The following BORA variants were observed in gnomAD, a reference collection of about 807,000 sequenced individuals.
BORA encodes protein aurora borealis.
BORA carries 26 observed loss-of-function variants against 55.8 expected under a neutral mutation model. The observed-to-expected ratio is 0.47, with a 90% confidence interval of 0.34 to 0.65. The LOEUF (loss-of-function observed/expected upper bound fraction) is 0.65, where lower values mean the gene tolerates loss of function less well. Among genes scored for constraint, BORA ranks in the 30% least tolerant of loss-of-function variants. BORA has a pLI of 0.01. For synonymous variants in BORA, 201 were observed against 216.9 expected, an observed-to-expected ratio of 0.93 and a Z score of 0.64; for missense variants, 568 against 671.5, an observed-to-expected ratio of 0.85 and a Z score of 1.70.
At chr13:72,736,013 C>T (rs2032919600) in intron 4 of BORA, among the ~76,000 whole-genome samples, 1 of 152,006 alleles carries the variant, frequency 6.6e-6, no homozygotes, top group Non-Finnish European at 1.5e-5. Context: ...CCCCCTCAAC[C>T]CTCCTCTGTT....
At chr13:72,743,676 A>G in intron 6 of BORA, 74 bp downstream of exon 6, 2 of 1,109,488 alleles carry the variant, frequency 1.8e-6, no homozygotes, top group Non-Finnish European at 2.6e-6. Context: ...CAGTTCAGGT[A>G]GTAACACTTT....
At chr13:72,736,986 A>G (rs1328195891) in intron 4 of BORA, among the ~76,000 whole-genome samples, 1 of 150,360 alleles carries the variant, frequency 6.7e-6, no homozygotes, top group Non-Finnish European at 1.5e-5. Flanking sequence ...CCACCTTTAA[A>G]AAAAAAAAAA....
At position 72,728,175 on chromosome 13, in the gene BORA, C is replaced by T. The variant is rs1257319395; in HGVS notation, c.-16+168C>T. Reference sequence around the variant, plus strand: ...AAGAGTGGCCACGTAGGGTTGGGGGCGACGCCTCCTTCGCACTCCATCCAG... The same window carrying T: ...AAGAGTGGCCACGTAGGGTTGGGGGTGACGCCTCCTTCGCACTCCATCCAG... On this transcript the variant is annotated intron_variant, in intron 1 of 11. Transcript: ENST00000390667. 9.7e-6 allele frequency: 9 copies of T among 929,428 alleles called. No individual in the cohort carries two copies. The East Asian group carries it at 1.0e-4, about 11-fold the overall frequency. The allele number at this position is 929,428 out of a possible 1,614,324, so 57.6% of individuals were successfully genotyped here.
intron 4 of BORA, among the ~76,000 whole-genome samples, chr13:72,736,708 G>A (rs1462426436): frequency 6.6e-6 from 1 of 152,058 alleles, no homozygotes; most frequent in Non-Finnish European, 1.5e-5. Context: ...CAGAGGCTTT[G>A]TGAATTTTCA....
chr13:72,739,783 A>C (rs1249180412), intron 5 of BORA, among the ~76,000 whole-genome samples: 2 of 152,136 alleles, frequency 1.3e-5, no homozygotes, highest in African/African-American at 4.8e-5. Context: ...GGAAATAAAA[A>C]TTTTATTACT....
intron 5 of BORA, among the ~76,000 whole-genome samples, chr13:72,741,749 T>C (rs1478903381): frequency 2.0e-5 from 3 of 152,088 alleles, no homozygotes; most frequent in African/African-American, 7.2e-5. Context: ...GTCTTTCTGG[T>C]CTGAGGAAGG....
At chr13:72,738,401 G>A (rs1055712544) in intron 5 of BORA, among the ~76,000 whole-genome samples, 38 of 152,120 alleles carry the variant, frequency 2.5e-4, no homozygotes, top group African/African-American at 8.7e-4. Context: ...ACCGTAAATT[G>A]TGTTGCCTTT....
Position 72,736,573 on chromosome 13 carries a change from C to T in BORA, c.307-1389C>T, listed in dbSNP as rs550684236. Reference sequence around the variant, plus strand: ...TATACAGATTTTTACATTCTCTTAGCAACAGCATAGTTACCTAGCCCCTGT... The same window carrying T: ...TATACAGATTTTTACATTCTCTTAGTAACAGCATAGTTACCTAGCCCCTGT... On this transcript the variant is annotated intron_variant, in intron 4 of 11. Coordinates refer to ENST00000390667, the MANE Select transcript of BORA (RefSeq NM_024808.5). 2.1e-4 allele frequency among the ~76,000 whole-genome samples: 32 copies of T among 152,246 alleles called. No homozygotes were observed. The South Asian group carries it at 6.6e-3, about 32-fold the overall frequency.
At chr13:72,743,497 A>C in intron 5 of BORA, 40 bp from the exon 6 acceptor site, 2 of 1,381,382 alleles carry the variant, frequency 1.4e-6, no homozygotes, top group Non-Finnish European at 2.0e-6. Context: ...GCAAATGAAG[A>C]GTATAAAACA....
At position 72,745,179 on chromosome 13, in the gene BORA, G is replaced by T; in HGVS notation, c.710G>T (p.Cys237Phe). The change falls in exon 8 of 12, where the codon TGT becomes TTT. Residue 237 changes from cysteine to phenylalanine, a missense_variant. Coordinates refer to ENST00000390667, the MANE Select transcript of BORA (RefSeq NM_024808.5). ...TCAATAGATTTGTCTCCTGTAAAGT[G>T]TAGGAGCCCCTTGCAGACACCAAGT... ...FYSIDLSPVKCRSPLQTPSSG... is the reference protein window; with the variant it reads ...FYSIDLSPVKFRSPLQTPSSG... 6.2e-7 allele frequency: 1 copy of T among 1,613,960 alleles called. No homozygotes were observed. Among genetic ancestry groups the T allele is most frequent in the Non-Finnish European group, 8.5e-7 (1 of 1,179,880 alleles).
At chr13:72,728,383 A>G in intron 1 of BORA, 1 of 598,164 alleles carries the variant, frequency 1.7e-6, no homozygotes, top group Non-Finnish European at 3.0e-6. Context: ...CCAGGCAGTT[A>G]ATTTCCTAGC....
chr13:72,739,051 A>G (rs1366064836), intron 5 of BORA, among the ~76,000 whole-genome samples: 1 of 152,232 alleles, frequency 6.6e-6, no homozygotes, highest in African/African-American at 2.4e-5. Context: ...TATAAACCAG[A>G]GAGGTGACCT....
chr13:72,729,214 C>A, intron 2 of BORA, 121 bp downstream of exon 2: 1 of 789,526 alleles, frequency 1.3e-6, no homozygotes, highest in Non-Finnish European at 1.9e-6. Context: ...GCATATATAG[C>A]TGCAATATAC....
chr13:72,748,841 T>G (rs1566228321), intron 10 of BORA, among the ~76,000 whole-genome samples: 1 of 152,200 alleles, frequency 6.6e-6, no homozygotes, highest in East Asian at 1.9e-4. Flanking sequence ...TTGGAAGCCG[T>G]GGGTAGCATA....
At position 72,728,935 on chromosome 13, in the gene BORA, T is replaced by C; in HGVS notation, c.-6T>C. 1.9e-6 allele frequency: 3 copies of C among 1,573,984 alleles called. No individual in the cohort carries two copies. The highest frequency in any genetic ancestry group is 2.6e-6 in the Non-Finnish European group (3 of 1,168,056). On this transcript the variant is annotated 5_prime_UTR_variant, in exon 2 of 12. Transcript: ENST00000390667. ...CTTGATTTCTTTTTAGTTTTCTCTC[T>C]GTGCTATGGGAGATGTCAAGGAATC... is the stretch of plus-strand genomic sequence containing the variant.
intron 4 of BORA, 39 bp from the exon 5 acceptor site, chr13:72,737,923 T>C: frequency 2.2e-6 from 3 of 1,364,942 alleles, no homozygotes; most frequent in Non-Finnish European, 2.0e-6. Context: ...ACATTTTGGG[T>C]GGAATTTATG....
intron 11 of BORA, 32 bp downstream of exon 11, chr13:72,753,853 T>A (rs1306803556): frequency 6.4e-7 from 1 of 1,566,092 alleles, no homozygotes; most frequent in East Asian, 2.3e-5. Flanking sequence ...AGCTTAATAT[T>A]GTTTAGATTA....
chr13:72,750,048 G>C (rs1170651940), intron 10 of BORA, among the ~76,000 whole-genome samples: 1 of 152,142 alleles, frequency 6.6e-6, no homozygotes, highest in Non-Finnish European at 1.5e-5. Context: ...CGTAGGTTAA[G>C]TTCAACCAGA....
chr13:72,743,544 C>A lies in BORA; in HGVS notation c.396C>A (p.Asn132Lys). Residue 132 changes from asparagine to lysine, a missense_variant, in exon 6 of 12, where the codon AAC becomes AAA. Physicochemically the swap from Asn to Lys is moderately conservative, Grantham distance 94. Coordinates refer to ENST00000390667, the MANE Select transcript of BORA (RefSeq NM_024808.5). Reference protein sequence around the residue: ...LSQCHSSKCTNINSDSPVGKK... With the variant: ...LSQCHSSKCTKINSDSPVGKK... ...ACTTAAAATGTCTTACAGGCACTAA[C>A]ATAAATAGTGACTCTCCAGTTGGAA... The A allele has an allele frequency of 6.2e-7, 1 of 1,608,798 alleles. No individual in the cohort carries two copies. The highest frequency in any genetic ancestry group is 1.1e-5 in the South Asian group (1 of 90,682).
Sources: allele counts gnomAD v4.1 joint callset (sites outside exome capture counted in the v4.1 genomes callset), GRCh38; gene constraint gnomAD v4.1.1; transcripts MANE v1.5; gene names NCBI Gene and HGNC (gene_info 2026-07-23, HGNC 2026-07-21).